Variants in SYT17 observed in about 807,000 individuals in gnomAD.
SYT17 encodes the protein synaptotagmin 17.
A neutral mutation model predicts 46.7 loss-of-function variants in SYT17; 22 were observed. The observed-to-expected ratio is 0.47, with a 90% confidence interval of 0.34 to 0.67. The LOEUF (loss-of-function observed/expected upper bound fraction) is 0.67. Among genes scored for constraint, SYT17 ranks in the 30% least tolerant of loss-of-function variants. The pLI is 0.01. For missense variants in SYT17, 519 were observed against 612.8 expected, an observed-to-expected ratio of 0.85 and a Z score of 1.62; for synonymous variants, 251 against 248.4, an observed-to-expected ratio of 1.01 and a Z score of -0.10.
chr16:19,212,879 A>G (rs1246184965), intron 5 of SYT17, among the ~76,000 whole-genome samples: 2 of 152,174 alleles, frequency 1.3e-5, no homozygotes, highest in East Asian at 3.8e-4. Context: ...GCAGTGAAAA[A>G]GAATGGCTTA....
chr16:19,171,059 C>G (rs1964061500), intron 1 of SYT17: 1 of 152,226 alleles, frequency 6.6e-6, no homozygotes, highest in African/African-American at 2.4e-5. Context: ...GAGAGGCCCC[C>G]TGTCTTGCCC....
chr16:19,193,636 T>G (rs1351927851), intron 5 of SYT17, among the ~76,000 whole-genome samples: 1 of 152,166 alleles, frequency 6.6e-6, no homozygotes, highest in African/African-American at 2.4e-5. Flanking sequence ...GACAAAGATT[T>G]GAGTGCTTGC....
rs549031134 is a variant in SYT17 at position 19,211,155 on chromosome 16, G to A, written c.952-11890G>A. 35 of 390,596 alleles carry A rather than the reference G, an allele frequency of 9.0e-5. No individual in the cohort carries two copies. The South Asian group carries it at 1.7e-3, about 19-fold the overall frequency. 24.2% of individuals were successfully genotyped at this position (390,596 alleles called of 1,614,324 possible). On this transcript the variant is annotated intron_variant, in intron 5 of 7. Transcript: ENST00000355377. ...CCCACGTGGTTCGACCAAATTAAGC[G>A]CATCGGGCTCTTACAAGAAAGGAAA...
chr16:19,189,762 T>C (rs1054834071), intron 5 of SYT17, among the ~76,000 whole-genome samples: 1 of 152,264 alleles, frequency 6.6e-6, no homozygotes, highest in African/African-American at 2.4e-5. Flanking sequence ...GACAAAGCTA[T>C]TCAATTTCTT....
intron 6 of SYT17, among the ~76,000 whole-genome samples, chr16:19,223,503 C>T (rs1251119930): frequency 2.0e-5 from 3 of 152,202 alleles, no homozygotes. Context: ...TAAGGTTTTT[C>T]GCCAGCTCAT....
chr16:19,263,253 C>T lies in SYT17; in HGVS notation c.1229-3627C>T, dbSNP rs796408026. The stretch of plus-strand genomic sequence containing the variant: ...TATCACACCCCATTCCCTCTTTCCT[C>T]TATCCTTGATAACCACTAATGGTAA... On this transcript the variant is annotated intron_variant, in intron 7 of 7. Transcript: ENST00000355377. 2.6e-5 allele frequency among the ~76,000 whole-genome samples: 4 copies of T among 152,148 alleles called. No individual in the cohort carries two copies. In the South Asian group the frequency reaches 8.3e-4, roughly 32 times the overall value.
At chr16:19,199,373 A>T (rs1228736976) in intron 5 of SYT17, among the ~76,000 whole-genome samples, 1 of 152,146 alleles carries the variant, frequency 6.6e-6, no homozygotes, top group Non-Finnish European at 1.5e-5. Flanking sequence ...ACATGAACTT[A>T]AACAGGGTGA....
intron 7 of SYT17, among the ~76,000 whole-genome samples, chr16:19,259,888 T>C (rs1248872224): frequency 1.3e-5 from 2 of 151,866 alleles, no homozygotes; most frequent in African/African-American, 2.4e-5. Context: ...GCGCCCAAGG[T>C]GGTCAGGCTA....
chr16:19,253,445 C>T (rs772816705), intron 7 of SYT17, among the ~76,000 whole-genome samples: 1 of 151,986 alleles, frequency 6.6e-6, no homozygotes, highest in Non-Finnish European at 1.5e-5. Flanking sequence ...GTTGTGTGTG[C>T]CTGTAGTCCC....
At chr16:19,252,194 C>T (rs532922245) in intron 7 of SYT17, among the ~76,000 whole-genome samples, 6 of 149,562 alleles carry the variant, frequency 4.0e-5, no homozygotes, top group Admixed American at 2.7e-4. Flanking sequence ...ATGTTTGAGA[C>T]GTCTTTTTGA....
At chr16:19,214,000 G>T (rs368211874) in intron 5 of SYT17, among the ~76,000 whole-genome samples, 5 of 152,252 alleles carry the variant, frequency 3.3e-5, no homozygotes, top group African/African-American at 9.6e-5. Context: ...TTGTTGAGGG[G>T]GGCTGTCTTG....
Position 19,235,564 on chromosome 16 carries a change from C to A in SYT17, c.1228+10726C>A, listed in dbSNP as rs937795735. On this transcript the variant is annotated intron_variant, in intron 7 of 7. Transcript: ENST00000355377. ...TTGATTTACGAAGAATTAGCAAAAT[C>A]TGGCAAATTCTTAGAGAAAGTGTAA... Among the ~76,000 whole-genome samples the A allele has an allele frequency of 3.3e-5, 5 of 152,300 alleles. No homozygotes were observed. The East Asian group carries it at 9.6e-4, about 29-fold the overall frequency.
At chr16:19,189,181 T>G (rs1321021061) in intron 5 of SYT17, among the ~76,000 whole-genome samples, 1 of 152,042 alleles carries the variant, frequency 6.6e-6, no homozygotes, top group Non-Finnish European at 1.5e-5. Flanking sequence ...CCACGTCTTT[T>G]CTCTTCTTAT....
intron 7 of SYT17, among the ~76,000 whole-genome samples, chr16:19,245,466 G>A (rs1967474434): frequency 6.6e-6 from 1 of 152,164 alleles, no homozygotes; most frequent in South Asian, 2.1e-4. Context: ...ATCTCCACCA[G>A]GCGCCGAGAA....
intron 7 of SYT17, among the ~76,000 whole-genome samples, chr16:19,233,445 A>T (rs1966776850): frequency 6.6e-6 from 1 of 151,950 alleles, no homozygotes; most frequent in Admixed American, 6.6e-5. Flanking sequence ...TGAGTACAAG[A>T]GATCGAGAGC....
At chr16:19,228,061 G>A (rs900865394) in intron 7 of SYT17, among the ~76,000 whole-genome samples, 12 of 151,916 alleles carry the variant, frequency 7.9e-5, no homozygotes, top group Non-Finnish European at 1.8e-4. Context: ...GGGGGTGGGG[G>A]GGTATGACAG....
At chr16:19,246,388 T>C (rs920898895) in intron 7 of SYT17, among the ~76,000 whole-genome samples, 6 of 149,134 alleles carry the variant, frequency 4.0e-5, no homozygotes, top group African/African-American at 1.5e-4. Context: ...CATTAATGAA[T>C]ATTTGCAATA....
chr16:19,193,558 G>C (rs1398808346), intron 5 of SYT17, among the ~76,000 whole-genome samples: 1 of 152,200 alleles, frequency 6.6e-6, no homozygotes, highest in Non-Finnish European at 1.5e-5. Flanking sequence ...CACTAACTAA[G>C]CTGTCTTCTC....
At chr16:19,260,534 GA>G (rs142511380) in intron 7 of SYT17, among the ~76,000 whole-genome samples, 32 of 118,000 alleles carry the variant, frequency 2.7e-4, no homozygotes, top group African/African-American at 3.4e-4. Context: ...AAAAAGGAAA[GA>G]AAAAAAAAAG....
Sources: gnomAD v4.1 joint callset for allele counts (sites outside exome capture counted in the v4.1 genomes callset) on GRCh38, gnomAD v4.1.1 for gene constraint, MANE v1.5 for transcripts, NCBI Gene and HGNC (gene_info 2026-07-23, HGNC 2026-07-21) for gene names.